Variants in RGS8 observed in about 807,000 individuals in gnomAD.
RGS8 encodes regulator of G protein signaling 8.
A neutral mutation model predicts 21.7 loss-of-function variants in RGS8; 8 were observed. The ratio of observed to expected loss-of-function variants is 0.37; its 90% CI spans 0.22 to 0.66. The LOEUF (loss-of-function observed/expected upper bound fraction) is 0.66, where lower values mean the gene tolerates loss of function less well. Among genes scored for constraint, RGS8 ranks in the 30% least tolerant of loss-of-function variants. RGS8 has a pLI of 0.59. For missense variants in RGS8, 157 were observed against 217.9 expected (o/e 0.72, Z 1.76); for synonymous variants, 80 against 83.6 (o/e 0.96, Z 0.24).
chr1:182,702,636 C>T, the RGS8 span, among the ~76,000 whole-genome samples: 1 of 152,118 alleles, frequency 6.6e-6, no homozygotes, highest in Non-Finnish European at 1.5e-5. Context: ...AAGATCCAAT[C>T]GTAAGTAAAA....
chr1:182,705,385 A>G, the RGS8 span, among the ~76,000 whole-genome samples: 2 of 152,314 alleles, frequency 1.3e-5, no homozygotes, highest in African/African-American at 4.8e-5. Flanking sequence ...GTCCACCAAC[A>G]TGGGAGAGAG....
chr1:182,730,076 G>A, the RGS8 span, among the ~76,000 whole-genome samples: 10 of 152,178 alleles, frequency 6.6e-5, no homozygotes, highest in African/African-American at 2.2e-4. Context: ...GGGCCTTAGA[G>A]GTAGGAGCAA....
the RGS8 span, among the ~76,000 whole-genome samples, chr1:182,719,507 C>T: frequency 1.4e-5 from 2 of 146,836 alleles, no homozygotes; most frequent in East Asian, 2.0e-4. Flanking sequence ...CACCCAGTGG[C>T]GCAATCTTGA....
chr1:182,682,290 T>C (rs1333246298), intron 1 of RGS8, among the ~76,000 whole-genome samples: 2 of 152,010 alleles, frequency 1.3e-5, no homozygotes, highest in Non-Finnish European at 1.5e-5. Context: ...AAAAGGACAT[T>C]TGAGGCTTAG....
intron 1 of RGS8, among the ~76,000 whole-genome samples, chr1:182,679,695 G>A (rs1373322934): frequency 6.6e-6 from 1 of 152,076 alleles, no homozygotes; most frequent in African/African-American, 2.4e-5. Flanking sequence ...TCCTTGGGTT[G>A]CTGAACATAC....
At chr1:182,709,942 GTGAA>G in the RGS8 span, among the ~76,000 whole-genome samples, 1 of 152,180 alleles carries the variant, frequency 6.6e-6, no homozygotes, top group Non-Finnish European at 1.5e-5. Context: ...GGTTACAGGA[GTGAA>G]TAATTTCTCT....
chr1:182,646,921 G>A lies in RGS8; in HGVS notation c.361-4C>T, dbSNP rs565492342. 47 of 1,612,230 alleles carry A rather than the reference G, an allele frequency of 2.9e-5. No homozygotes were observed. In the South Asian group the frequency reaches 4.7e-4, roughly 16 times the overall value. On this transcript the variant is annotated splice_polypyrimidine_tract_variant and splice_region_variant and intron_variant, in intron 6 of 6. Coordinates refer to ENST00000483095, the Ensembl canonical transcript of RGS8. ...GGGTCTGGAAGTCAATGTTTACCTA[G>A]AGATACAAACAGAGAGCAAGGTCAC... is the stretch of plus-strand genomic sequence containing the variant.
At chr1:182,704,395 CA>C in the RGS8 span, among the ~76,000 whole-genome samples, 1 of 152,232 alleles carries the variant, frequency 6.6e-6, no homozygotes, top group East Asian at 1.9e-4. Flanking sequence ...CAGGCCCCGT[CA>C]TAAGCCCTTC....
At chr1:182,694,354 A>T in the RGS8 span, among the ~76,000 whole-genome samples, 1 of 152,176 alleles carries the variant, frequency 6.6e-6, no homozygotes, top group Non-Finnish European at 1.5e-5. Context: ...TCTTGGAGAG[A>T]AGGAGCCATC....
chr1:182,666,407 T>G (rs983008928), intron 4 of RGS8, among the ~76,000 whole-genome samples: 14 of 152,254 alleles, frequency 9.2e-5, no homozygotes, highest in Non-Finnish European at 1.8e-4. Context: ...TCTGCACTTC[T>G]GAAATGGGGA....
chr1:182,732,301 A>ACACACC, the RGS8 span, among the ~76,000 whole-genome samples: 133 of 150,644 alleles, frequency 8.8e-4, 1 homozygote, highest in Middle Eastern at 3.4e-3. Context: ...ACACACACAC[A>ACACACC]CCCACTGTAG....
chr1:182,658,340 A>G (rs1663387047), intron 5 of RGS8: 1 of 152,210 alleles, frequency 6.6e-6, no homozygotes, highest in Admixed American at 6.5e-5. Context: ...TGTAGCTGGC[A>G]TCAGGGTGGG....
At chr1:182,745,186 A>C in the RGS8 span, among the ~76,000 whole-genome samples, 1 of 152,208 alleles carries the variant, frequency 6.6e-6, no homozygotes, top group Non-Finnish European at 1.5e-5. Context: ...ATACAACAAA[A>C]ATCTCACTTA....
the RGS8 span, chr1:182,734,788 T>A: frequency 1.3e-5 from 2 of 152,170 alleles, no homozygotes; most frequent in Admixed American, 1.3e-4. Context: ...TCACTTAGTG[T>A]CCAGTCAATA....
chr1:182,658,364 C>A (rs1255370967), intron 5 of RGS8: 1 of 152,200 alleles, frequency 6.6e-6, no homozygotes, highest in Admixed American at 6.5e-5. Context: ...GAGCCTAGCT[C>A]AGTTCCCAGG....
intron 1 of RGS8, among the ~76,000 whole-genome samples, chr1:182,683,220 A>G (rs1664594380): frequency 6.6e-6 from 1 of 152,204 alleles, no homozygotes; most frequent in Non-Finnish European, 1.5e-5. Flanking sequence ...ACAAACAGTT[A>G]ATAAAGACTA....
chr1:182,660,784 C>G (rs118064097), intron 5 of RGS8, among the ~76,000 whole-genome samples: 1 of 151,706 alleles, frequency 6.6e-6, no homozygotes, highest in Admixed American at 6.6e-5. Flanking sequence ...GTGCATAAAC[C>G]TTCCTGGAGG....
At chr1:182,739,322 G>C in the RGS8 span, among the ~76,000 whole-genome samples, 1 of 152,170 alleles carries the variant, frequency 6.6e-6, no homozygotes, top group Non-Finnish European at 1.5e-5. Flanking sequence ...GCTTCGCACA[G>C]CCTGATAAGA....
chr1:182,678,003 C>T (rs1045815769), intron 1 of RGS8, among the ~76,000 whole-genome samples: 2 of 152,124 alleles, frequency 1.3e-5, no homozygotes, highest in Non-Finnish European at 2.9e-5. Context: ...AATCCTGATT[C>T]AAATGTAAAA....
Sources: allele counts gnomAD v4.1 joint callset (sites outside exome capture counted in the v4.1 genomes callset), GRCh38; gene constraint gnomAD v4.1.1; transcripts MANE v1.5; gene names NCBI Gene and HGNC (gene_info 2026-07-23, HGNC 2026-07-21).